FER1L6: variants seen among roughly 807,000 people sequenced by gnomAD.
FER1L6 encodes the protein fer-1-like protein 6.
In FER1L6, 177 loss-of-function variants were observed where a neutral mutation model predicts 219.2. The ratio of observed to expected loss-of-function variants is 0.81; its 90% CI spans 0.71 to 0.91. The LOEUF is 0.91. Among genes scored for constraint, FER1L6 ranks in the 40% least tolerant of loss-of-function variants. The pLI is 0.00. For synonymous variants in FER1L6, 768 were observed against 824.3 expected (o/e 0.93, Z 1.17); for missense variants, 2,153 against 2,259.9 (o/e 0.95, Z 0.96).
rs1344606721 is a variant in FER1L6, at chr8:124,049,593, C to A, written c.2725-14C>A. Reference sequence around the variant, plus strand: ...ATGATCAGGAAATACAAACTCATTTCTTTTCTTCTTTAGGGGAAGCCAGAA... The same window carrying A: ...ATGATCAGGAAATACAAACTCATTTATTTTCTTCTTTAGGGGAAGCCAGAA... On this transcript the variant is annotated splice_polypyrimidine_tract_variant and intron_variant, in intron 21 of 40. Transcript: ENST00000522917. 2 of 1,613,286 alleles carry A rather than the reference C, an allele frequency of 1.2e-6. No individual in the cohort carries two copies. Among genetic ancestry groups the A allele is most frequent in the Admixed American group, 1.7e-5 (1 of 59,964 alleles).
intron 40 of FER1L6, among the ~76,000 whole-genome samples, chr8:124,119,230 G>C (rs1005168012): frequency 5.9e-5 from 9 of 152,276 alleles, no homozygotes; most frequent in Admixed American, 3.9e-4. Flanking sequence ...TTTCAAAAGG[G>C]GGTGAGTCAA....
Position 123,852,597 on chromosome 8 carries a change from C to T in FER1L6, c.-8+412C>T, listed in dbSNP as rs997620185. 6.6e-6 allele frequency among the ~76,000 whole-genome samples: 1 copy of T among 151,786 alleles called. No individual in the cohort carries two copies. Among genetic ancestry groups the T allele is most frequent in the Non-Finnish European group, 1.5e-5 (1 of 67,956 alleles). ...GAGACAAAAAGCATGAGGAAGTTGC[C>T]TCAGGAACTCATAGAAAATGTGGGG... is the stretch of plus-strand genomic sequence containing the variant. On this transcript the variant is annotated intron_variant, in intron 1 of 40. Transcript: ENST00000522917. The surrounding 1 kb of genome is among the most constrained non-coding windows in gnomAD (Gnocchi z 4.9).
At chr8:124,054,547 C>T (rs913036437) in intron 22 of FER1L6, among the ~76,000 whole-genome samples, 2 of 152,204 alleles carry the variant, frequency 1.3e-5, no homozygotes, top group African/African-American at 4.8e-5. Context: ...AGGAGACCGT[C>T]ACATTTCTGT....
chr8:124,023,602 T>A lies in FER1L6; in HGVS notation c.2286+6T>A. The A allele has an allele frequency of 6.2e-7, 1 of 1,613,752 alleles. No homozygotes were observed. Among genetic ancestry groups the A allele is most frequent in the Non-Finnish European group, 8.5e-7 (1 of 1,179,816 alleles). ...TCAAAACTCACTTCCTCAAAGTAAGTGTGCAGTATTTTAACTAAAAGAAGG... is the reference window on the plus strand; with the variant it reads ...TCAAAACTCACTTCCTCAAAGTAAGAGTGCAGTATTTTAACTAAAAGAAGG... On this transcript the variant is annotated splice_donor_region_variant and intron_variant, in intron 18 of 40. Transcript: ENST00000522917.
chr8:123,964,798 T>C (rs1815462118), intron 3 of FER1L6, among the ~76,000 whole-genome samples: 1 of 152,222 alleles, frequency 6.6e-6, no homozygotes. Flanking sequence ...GTGAAATCTT[T>C]GTTGTGTACC....
intron 1 of FER1L6, among the ~76,000 whole-genome samples, chr8:123,895,470 C>T (rs769210588): frequency 6.6e-6 from 1 of 152,146 alleles, no homozygotes; most frequent in Non-Finnish European, 1.5e-5. Context: ...ATAACAACCC[C>T]ATGAGGAAGG....
chr8:123,887,963 A>G (rs1485953205), intron 1 of FER1L6, among the ~76,000 whole-genome samples: 2 of 151,696 alleles, frequency 1.3e-5, no homozygotes, highest in Non-Finnish European at 2.9e-5. Context: ...TGCTCATAAA[A>G]CTCTTAGTCT....
At chr8:123,910,273 T>C (rs1266846843) in intron 1 of FER1L6, among the ~76,000 whole-genome samples, 1 of 152,192 alleles carries the variant, frequency 6.6e-6, no homozygotes, top group Non-Finnish European at 1.5e-5. Flanking sequence ...TATTCTCCTG[T>C]AGAGAATTTG....
chr8:124,002,081 C>T (rs1370781971), intron 12 of FER1L6, among the ~76,000 whole-genome samples: 2 of 152,196 alleles, frequency 1.3e-5, no homozygotes, highest in African/African-American at 2.4e-5. Context: ...CTTGGCCCCA[C>T]TTTGAGGCAT....
intron 1 of FER1L6, among the ~76,000 whole-genome samples, chr8:123,915,897 G>A (rs552200288): frequency 6.6e-6 from 1 of 152,306 alleles, no homozygotes; most frequent in African/African-American, 2.4e-5. Context: ...TATAGACAGC[G>A]TGAGTAAAGA....
chr8:123,946,418 A>AT (rs1181874936), intron 1 of FER1L6, among the ~76,000 whole-genome samples: 1 of 151,808 alleles, frequency 6.6e-6, no homozygotes, highest in Non-Finnish European at 1.5e-5. Context: ...CACCCAGCTA[A>AT]TTTTTTTGTA....
At chr8:123,958,044 A>T (rs1230998918) in intron 2 of FER1L6, among the ~76,000 whole-genome samples, 1 of 152,212 alleles carries the variant, frequency 6.6e-6, no homozygotes, top group Non-Finnish European at 1.5e-5. Flanking sequence ...TACATCTTAA[A>T]TTCTTAAAAT....
intron 1 of FER1L6, among the ~76,000 whole-genome samples, chr8:123,865,481 G>A (rs1053508350): frequency 2.0e-5 from 3 of 151,436 alleles, no homozygotes; most frequent in Non-Finnish European, 4.4e-5. Flanking sequence ...GAGGCATGCA[G>A]ACCTCCTTGA....
At chr8:124,103,097 G>T in intron 38 of FER1L6, 49 bp from the exon 39 acceptor site, 1 of 1,545,726 alleles carries the variant, frequency 6.5e-7, no homozygotes, top group Non-Finnish European at 8.9e-7. Context: ...AAGCTCTTCT[G>T]TTACTTTTAG....
At chr8:123,891,983 T>G (rs1037890903) in intron 1 of FER1L6, among the ~76,000 whole-genome samples, 2 of 152,276 alleles carry the variant, frequency 1.3e-5, no homozygotes, top group Non-Finnish European at 1.5e-5. Flanking sequence ...AAAAGCACAC[T>G]GATAGAAGGG....
At chr8:124,023,886 C>G (rs746171368) in intron 18 of FER1L6, among the ~76,000 whole-genome samples, 4 of 139,212 alleles carry the variant, frequency 2.9e-5, no homozygotes, top group Non-Finnish European at 4.6e-5. Context: ...GTATTAATAA[C>G]AATGAACCTT....
chr8:124,113,400 T>A (rs1014222972), intron 39 of FER1L6, among the ~76,000 whole-genome samples: 1 of 152,226 alleles, frequency 6.6e-6, no homozygotes, highest in African/African-American at 2.4e-5. Context: ...AGACATTCTG[T>A]CACTCTACCC....
intron 2 of FER1L6, among the ~76,000 whole-genome samples, chr8:123,957,377 TG>T (rs1482296150): frequency 6.6e-6 from 1 of 152,164 alleles, no homozygotes; most frequent in Non-Finnish European, 1.5e-5. Context: ...GGAAAGGCTT[TG>T]GGGTTATTCC....
chr8:124,059,519 A>G (rs4510842), intron 22 of FER1L6, among the ~76,000 whole-genome samples: 122,202 of 152,120 alleles, frequency 0.8, 49,491 homozygotes, highest in Non-Finnish European at 0.86. Context: ...TGGCCTACAC[A>G]GTGAAAAAGA....
Sources: gnomAD v4.1 joint callset for allele counts (sites outside exome capture counted in the v4.1 genomes callset) on GRCh38, gnomAD v4.1.1 for gene constraint, Gnocchi (gnomAD v3.1) non-coding constraint, MANE v1.5 for transcripts, NCBI Gene and HGNC (gene_info 2026-07-23, HGNC 2026-07-21) for gene names.